The following ADAMTS3 variants were observed in gnomAD, a reference collection of about 807,000 sequenced individuals.
ADAMTS3 encodes A disintegrin and metalloproteinase with thrombospondin motifs 3.
ADAMTS3 carries 73 observed loss-of-function variants against 129.0 expected under a neutral mutation model. The ratio of observed to expected loss-of-function variants is 0.57; its 90% confidence interval spans 0.47 to 0.69. The LOEUF (loss-of-function observed/expected upper bound fraction) is 0.69. Among genes scored for constraint, ADAMTS3 ranks in the 30% least tolerant of loss-of-function variants. The probability of loss-of-function intolerance (pLI) is 0.00; values close to 1 mark genes in which losing one functional copy is unlikely to be tolerated. For missense variants in ADAMTS3, 1,457 were observed against 1,514.5 expected (o/e 0.96, Z 0.63); for synonymous variants, 477 against 510.8 (o/e 0.93, Z 0.89).
intron 3 of ADAMTS3, among the ~76,000 whole-genome samples, chr4:72,471,545 C>A (rs1719073622): frequency 6.6e-6 from 1 of 151,988 alleles, no homozygotes; most frequent in South Asian, 2.1e-4. Flanking sequence ...TCATTTCCAA[C>A]TGCATATGTT....
intron 3 of ADAMTS3, among the ~76,000 whole-genome samples, chr4:72,529,759 T>C (rs1419686852): frequency 1.8e-5 from 2 of 108,132 alleles, no homozygotes; most frequent in African/African-American, 3.7e-5. Context: ...TTGTATATAA[T>C]ATTAATATAT....
chr4:72,558,490 G>A (rs1342465460), intron 2 of ADAMTS3, among the ~76,000 whole-genome samples: 1 of 151,558 alleles, frequency 6.6e-6, no homozygotes, highest in African/African-American at 2.4e-5. Context: ...TGATAATCCA[G>A]GATAATCTCG....
intron 3 of ADAMTS3, among the ~76,000 whole-genome samples, chr4:72,456,008 G>T (rs1560522323): frequency 7.2e-5 from 2 of 27,904 alleles, no homozygotes; most frequent in South Asian, 1.9e-3. Flanking sequence ...TTTACATATA[G>T]TATATATACT....
intron 4 of ADAMTS3, among the ~76,000 whole-genome samples, chr4:72,358,067 C>T (rs908182839): frequency 4.6e-5 from 7 of 152,002 alleles, no homozygotes; most frequent in East Asian, 1.9e-4. Context: ...AATCAATCCA[C>T]GAAATTTACT....
chr4:72,367,356 C>A (rs542093237), intron 4 of ADAMTS3, among the ~76,000 whole-genome samples: 148 of 152,142 alleles, frequency 9.7e-4, no homozygotes, highest in African/African-American at 3.5e-3. Flanking sequence ...TAGAGAGCTT[C>A]ATTTCAATAT....
chr4:72,420,935 G>GA (rs144930880), intron 3 of ADAMTS3, among the ~76,000 whole-genome samples: 5,548 of 148,178 alleles, frequency 0.037, 122 homozygotes, highest in Non-Finnish European at 0.049. Flanking sequence ...TTGTAATTAA[G>GA]AAAAAAAAAA....
chr4:72,565,075 G>T (rs534968011), intron 2 of ADAMTS3, among the ~76,000 whole-genome samples: 1 of 152,228 alleles, frequency 6.6e-6, no homozygotes, highest in Admixed American at 6.5e-5. Context: ...TGAAAAATCA[G>T]CAAAGTACAC....
At chr4:72,363,547 G>A (rs1720782405) in intron 4 of ADAMTS3, among the ~76,000 whole-genome samples, 1 of 152,114 alleles carries the variant, frequency 6.6e-6, no homozygotes, top group African/African-American at 2.4e-5. Context: ...TAAAATTTAT[G>A]TGTAAAAATA....
At chr4:72,333,610 T>A (rs910236995) in intron 5 of ADAMTS3, among the ~76,000 whole-genome samples, 2 of 152,072 alleles carry the variant, frequency 1.3e-5, no homozygotes, top group Non-Finnish European at 2.9e-5. Flanking sequence ...GGCTTTTATT[T>A]TGTACTTAAT....
intron 3 of ADAMTS3, among the ~76,000 whole-genome samples, chr4:72,486,836 T>C (rs1452944511): frequency 6.6e-6 from 1 of 152,154 alleles, no homozygotes; most frequent in East Asian, 1.9e-4. Context: ...TGCTTTTCAC[T>C]CATCTGCTCT....
intron 17 of ADAMTS3, among the ~76,000 whole-genome samples, chr4:72,302,863 A>G (rs1221161309): frequency 6.6e-6 from 1 of 152,184 alleles, no homozygotes; most frequent in African/African-American, 2.4e-5. Flanking sequence ...TGCTGTATAA[A>G]TGAGTAAAAG....
At chr4:72,361,473 G>A (rs1189176583) in intron 4 of ADAMTS3, among the ~76,000 whole-genome samples, 1 of 152,090 alleles carries the variant, frequency 6.6e-6, no homozygotes, top group Admixed American at 6.6e-5. Flanking sequence ...GTGAGAGAGG[G>A]TCTTCTGGTA....
At chr4:72,479,422 T>C (rs1371090636) in intron 3 of ADAMTS3, among the ~76,000 whole-genome samples, 7 of 152,154 alleles carry the variant, frequency 4.6e-5, no homozygotes, top group Non-Finnish European at 8.8e-5. Flanking sequence ...TTGACAAACC[T>C]GACAAAAACA....
intron 3 of ADAMTS3, among the ~76,000 whole-genome samples, chr4:72,440,291 TA>T (rs1346259713): frequency 2.0e-5 from 3 of 151,938 alleles, no homozygotes; most frequent in East Asian, 3.9e-4. Context: ...TATTAGTATC[TA>T]AAAGATATGT....
chr4:72,383,195 T>C lies in ADAMTS3; in HGVS notation c.661+31620A>G, dbSNP rs148787813. ...GCAGTTCACTTCTGGGATGGTTAAG[T>C]ACTTCCTCTCCAACCAATCCTCTTG... is the stretch of plus-strand genomic sequence containing the variant. On this transcript the variant is annotated intron_variant, in intron 4 of 21. Transcript: ENST00000286657. Among the ~76,000 whole-genome samples the C allele has an allele frequency of 8.9e-4, 135 of 152,136 alleles. 4 individuals are homozygous for C. The East Asian group carries it at 0.024, about 28-fold the overall frequency.
At chr4:72,444,651 A>C (rs1718205419) in intron 3 of ADAMTS3, among the ~76,000 whole-genome samples, 1 of 151,800 alleles carries the variant, frequency 6.6e-6, no homozygotes, top group African/African-American at 2.4e-5. Flanking sequence ...GAAATGTCAT[A>C]CTTAAATGCT....
At chr4:72,396,392 C>T (rs562094896) in intron 4 of ADAMTS3, among the ~76,000 whole-genome samples, 1 of 151,748 alleles carries the variant, frequency 6.6e-6, no homozygotes, top group South Asian at 2.1e-4. Context: ...TGGTATATGA[C>T]AAAGTATGAA....
intron 3 of ADAMTS3, among the ~76,000 whole-genome samples, chr4:72,438,773 G>A (rs749649030): frequency 4.6e-4 from 70 of 151,832 alleles, no homozygotes; most frequent in Non-Finnish European, 2.8e-4. Flanking sequence ...TCTAGTTTTA[G>A]TCTCAAGTTC....
At chr4:72,498,982 C>A (rs1045075556) in intron 3 of ADAMTS3, among the ~76,000 whole-genome samples, 18 of 151,990 alleles carry the variant, frequency 1.2e-4, no homozygotes, top group African/African-American at 4.3e-4. Context: ...GTCCACAGAC[C>A]ACTTGCATCA....
Sources: gnomAD v4.1 joint callset for allele counts (sites outside exome capture counted in the v4.1 genomes callset) on GRCh38, gnomAD v4.1.1 for gene constraint, MANE v1.5 for transcripts, NCBI Gene and HGNC (gene_info 2026-07-23, HGNC 2026-07-21) for gene names.